UBE2H: variants seen among roughly 807,000 people sequenced by gnomAD.
UBE2H encodes ubiquitin-conjugating enzyme E2 H.
UBE2H carries 3 observed loss-of-function variants against 29.0 expected under a neutral mutation model. The observed-to-expected ratio is 0.10, with a 90% CI of 0.05 to 0.27. The LOEUF (loss-of-function observed/expected upper bound fraction) is 0.27, where lower values mean the gene tolerates loss of function less well. Ranked by LOEUF, UBE2H falls within the 10% of genes least tolerant of loss-of-function variation. The pLI is 1.00. For synonymous variants in UBE2H, 69 were observed against 82.9 expected, an observed-to-expected ratio of 0.83 and a Z score of 0.91; for missense variants, 68 against 228.2, an observed-to-expected ratio of 0.30 and a Z score of 4.52.
chr7:129,887,475 C>A (rs1806387028), intron 1 of UBE2H, among the ~76,000 whole-genome samples: 1 of 152,086 alleles, frequency 6.6e-6, no homozygotes, highest in African/African-American at 2.4e-5. Flanking sequence ...CTGCCTCAGC[C>A]TCCCAAAGTG....
At chr7:129,905,939 T>G (rs1262486871) in intron 1 of UBE2H, among the ~76,000 whole-genome samples, 1 of 151,658 alleles carries the variant, frequency 6.6e-6, no homozygotes, top group African/African-American at 2.4e-5. Context: ...TACTCCAGCC[T>G]GGGCCACTGA....
chr7:129,912,200 T>C (rs1278583298), intron 1 of UBE2H, among the ~76,000 whole-genome samples: 2 of 152,198 alleles, frequency 1.3e-5, no homozygotes, highest in Non-Finnish European at 2.9e-5. Context: ...GCTTCTGTGC[T>C]GCAACAGCAG....
intron 1 of UBE2H, among the ~76,000 whole-genome samples, chr7:129,895,571 C>T (rs115750569): frequency 0.012 from 1,854 of 152,106 alleles, 39 homozygotes; most frequent in African/African-American, 0.043. Context: ...TTTATTTCTT[C>T]CCCCCAACTC....
intron 5 of UBE2H, 52 bp downstream of exon 5, chr7:129,857,459 T>C: frequency 1.9e-6 from 3 of 1,569,110 alleles, no homozygotes; most frequent in Non-Finnish European, 2.6e-6. Flanking sequence ...AAACAACATT[T>C]TTTTAGGCAA....
intron 2 of UBE2H, among the ~76,000 whole-genome samples, chr7:129,879,936 A>T (rs1806221378): frequency 6.6e-6 from 1 of 152,046 alleles, no homozygotes; most frequent in Non-Finnish European, 1.5e-5. Context: ...TTTCCCTCCT[A>T]TCTCAATAAA....
At position 129,902,269 on chromosome 7, in the gene UBE2H, C is replaced by A. The variant is rs181143282; in HGVS notation, c.54-21298G>T. Among the ~76,000 whole-genome samples the A allele has an allele frequency of 7.8e-4, 119 of 152,232 alleles. 1 individual carries two copies. In the East Asian group the frequency reaches 0.021, roughly 27 times the overall value. On this transcript the variant is annotated intron_variant, in intron 1 of 6. Coordinates refer to ENST00000355621, the MANE Select transcript of UBE2H (RefSeq NM_003344.4). ...ATCTCAGCACTTTGGGAGGCCGAGG[C>A]GGATGGATCACCTGAGGTCAGGAGT... is the stretch of plus-strand genomic sequence containing the variant.
chr7:129,840,515 TAC>T (rs1420604843), intron 5 of UBE2H, among the ~76,000 whole-genome samples: 1 of 152,160 alleles, frequency 6.6e-6, no homozygotes, highest in Non-Finnish European at 1.5e-5. Flanking sequence ...AGATGATATC[TAC>T]ACACAGTTAG....
At chr7:129,905,059 G>A (rs574391851) in intron 1 of UBE2H, among the ~76,000 whole-genome samples, 2 of 152,238 alleles carry the variant, frequency 1.3e-5, no homozygotes, top group East Asian at 3.9e-4. Context: ...CAATGACTGA[G>A]GGGAGTACAA....
chr7:129,908,158 G>A (rs1268431234), intron 1 of UBE2H, among the ~76,000 whole-genome samples: 1 of 152,138 alleles, frequency 6.6e-6, no homozygotes, highest in Non-Finnish European at 1.5e-5. Context: ...TCAAAATAAT[G>A]ACATAATTCC....
chr7:129,878,112 C>A (rs1176631200), intron 3 of UBE2H, among the ~76,000 whole-genome samples: 1 of 152,114 alleles, frequency 6.6e-6, no homozygotes, highest in African/African-American at 2.4e-5. Flanking sequence ...GATGAATAAA[C>A]TGGGGACAGG....
intron 2 of UBE2H, among the ~76,000 whole-genome samples, chr7:129,880,446 C>A (rs1444833365): frequency 2.0e-5 from 3 of 152,116 alleles, no homozygotes; most frequent in Admixed American, 6.6e-5. Context: ...GTGGAGGTTA[C>A]GGTAAGCCAC....
intron 1 of UBE2H, among the ~76,000 whole-genome samples, chr7:129,946,797 A>G (rs1051800310): frequency 5.3e-5 from 8 of 152,214 alleles, no homozygotes; most frequent in Admixed American, 4.6e-4. Flanking sequence ...GTTTTTCTCA[A>G]TTATCTTTTT....
chr7:129,867,714 AAAAGAAAACC>A (rs1805936218), intron 3 of UBE2H, among the ~76,000 whole-genome samples: 1 of 88,976 alleles, frequency 1.1e-5, no homozygotes, highest in African/African-American at 4.9e-5. Flanking sequence ...AAAAAAAAAA[AAAAGAAAACC>A]AAAAAAAAAA....
At chr7:129,868,932 TC>T (rs1805971457) in intron 3 of UBE2H, among the ~76,000 whole-genome samples, 1 of 64,480 alleles carries the variant, frequency 1.6e-5, no homozygotes. Flanking sequence ...TCTCTCTCTC[TC>T]TCTTTTTTTT....
At chr7:129,944,905 T>A (rs1807732241) in intron 1 of UBE2H, among the ~76,000 whole-genome samples, 1 of 151,840 alleles carries the variant, frequency 6.6e-6, no homozygotes. Flanking sequence ...AAGAGGTGAA[T>A]GCATAAACAA....
chr7:129,932,895 T>C (rs1584795072), intron 1 of UBE2H, among the ~76,000 whole-genome samples: 3 of 151,514 alleles, frequency 2.0e-5, no homozygotes, highest in African/African-American at 7.3e-5. Context: ...TGACCTCACA[T>C]TCCCCTTGAA....
intron 1 of UBE2H, among the ~76,000 whole-genome samples, chr7:129,893,173 A>T (rs896117327): frequency 6.6e-6 from 1 of 152,176 alleles, no homozygotes; most frequent in Non-Finnish European, 1.5e-5. Flanking sequence ...ACCACCTAGC[A>T]GACTAAATCA....
chr7:129,880,143 A>C (rs982218237), intron 2 of UBE2H, among the ~76,000 whole-genome samples: 5 of 152,222 alleles, frequency 3.3e-5, no homozygotes, highest in African/African-American at 1.2e-4. Flanking sequence ...CCAACCACAG[A>C]TCAAAAATAT....
chr7:129,879,395 C>G (rs1806210488), intron 3 of UBE2H, among the ~76,000 whole-genome samples, 173 bp downstream of exon 3: 2 of 152,204 alleles, frequency 1.3e-5, no homozygotes, highest in Non-Finnish European at 2.9e-5. Flanking sequence ...TAAACGTCTT[C>G]TAACACACTA....
Sources: gnomAD v4.1 joint callset for allele counts (sites outside exome capture counted in the v4.1 genomes callset) on GRCh38, gnomAD v4.1.1 for gene constraint, MANE v1.5 for transcripts, NCBI Gene and HGNC (gene_info 2026-07-23, HGNC 2026-07-21) for gene names.